NCKAP5: variants seen among roughly 807,000 people sequenced by gnomAD.
The protein encoded by NCKAP5 is nck-associated protein 5.
In NCKAP5, 92 loss-of-function variants were observed where a neutral mutation model predicts 167.0. That is an observed-to-expected ratio of 0.55 (90% CI 0.47 to 0.66). NCKAP5 has a LOEUF of 0.66. NCKAP5 is among the 30% of genes least tolerant of loss of function. The pLI is 0.00. For synonymous variants in NCKAP5, 891 were observed against 877.4 expected, an observed-to-expected ratio of 1.02 and a Z score of -0.27; for missense variants, 2,378 against 2,315.0, an observed-to-expected ratio of 1.03 and a Z score of -0.56.
chr2:133,138,508 C>T (rs534833102), intron 5 of NCKAP5, among the ~76,000 whole-genome samples: 17 of 152,308 alleles, frequency 1.1e-4, no homozygotes, highest in African/African-American at 3.8e-4. Context: ...CAACTTCTCA[C>T]ATTTTTCATC....
intron 1 of NCKAP5, among the ~76,000 whole-genome samples, chr2:133,561,399 G>A (rs1688147279): frequency 6.6e-6 from 1 of 152,122 alleles, no homozygotes; most frequent in African/African-American, 2.4e-5. Flanking sequence ...AAATCAGGAA[G>A]GAAAGAAATA....
intron 11 of NCKAP5, among the ~76,000 whole-genome samples, chr2:132,814,974 G>A (rs1686153402): frequency 1.3e-5 from 2 of 152,170 alleles, no homozygotes; most frequent in Admixed American, 6.5e-5. Context: ...GGAAGGTAAA[G>A]AGAAATTCCT....
intron 6 of NCKAP5, among the ~76,000 whole-genome samples, chr2:133,020,714 C>T (rs572608883): frequency 1.3e-4 from 20 of 152,310 alleles, no homozygotes; most frequent in South Asian, 8.3e-4. Context: ...TGGTGAGCTG[C>T]GTGCAATAAC....
chr2:132,713,163 T>G (rs545821509), intron 19 of NCKAP5, among the ~76,000 whole-genome samples: 2 of 151,030 alleles, frequency 1.3e-5, no homozygotes, highest in Non-Finnish European at 2.9e-5. Flanking sequence ...AAAAAAAAAA[T>G]CAATAAAAAT....
intron 2 of NCKAP5, among the ~76,000 whole-genome samples, chr2:133,518,755 A>T (rs949783711): frequency 6.6e-6 from 1 of 152,208 alleles, no homozygotes; most frequent in Non-Finnish European, 1.5e-5. Context: ...GATAGCAATC[A>T]AATGATGTAT....
chr2:133,660,475 G>A, the NCKAP5 span, among the ~76,000 whole-genome samples: 15 of 151,972 alleles, frequency 9.9e-5, no homozygotes, highest in Non-Finnish European at 1.8e-4. Context: ...AAACTATCTC[G>A]GGGTGATGGG....
intron 7 of NCKAP5, among the ~76,000 whole-genome samples, chr2:132,993,481 C>T (rs1447384659): frequency 6.6e-6 from 1 of 152,206 alleles, no homozygotes; most frequent in East Asian, 1.9e-4. Flanking sequence ...TGTTATTTCA[C>T]TGACTGCTTA....
At chr2:133,235,187 A>G (rs186788040) in intron 4 of NCKAP5, among the ~76,000 whole-genome samples, 1 of 152,086 alleles carries the variant, frequency 6.6e-6, no homozygotes, top group Non-Finnish European at 1.5e-5. Flanking sequence ...GCTCACTCAA[A>G]TGTATTTGCA....
chr2:133,574,025 T>C, the NCKAP5 span, among the ~76,000 whole-genome samples: 1 of 152,164 alleles, frequency 6.6e-6, no homozygotes, highest in East Asian at 1.9e-4. Context: ...ATGAATTTTG[T>C]GTGCCCCGAT....
intron 8 of NCKAP5, among the ~76,000 whole-genome samples, chr2:132,897,742 C>T (rs1045649531): frequency 6.6e-6 from 1 of 152,210 alleles, no homozygotes; most frequent in African/African-American, 2.4e-5. Context: ...TTATATTACA[C>T]TACTACACTA....
At chr2:133,214,930 C>T (rs766627715) in intron 4 of NCKAP5, among the ~76,000 whole-genome samples, 1 of 152,190 alleles carries the variant, frequency 6.6e-6, no homozygotes, top group Non-Finnish European at 1.5e-5. Flanking sequence ...CTCCTAAGTG[C>T]TTGGATCTTT....
the NCKAP5 span, among the ~76,000 whole-genome samples, chr2:133,602,186 A>G: frequency 6.6e-6 from 1 of 152,160 alleles, no homozygotes; most frequent in Non-Finnish European, 1.5e-5. Context: ...TGGGATCAGA[A>G]AACTTCCAAG....
intron 9 of NCKAP5, among the ~76,000 whole-genome samples, chr2:132,878,175 G>A (rs74354800): frequency 0.024 from 3,659 of 152,172 alleles, 162 homozygotes; most frequent in African/African-American, 0.083. Context: ...GGCTCTGAGC[G>A]CATGTCTGTT....
intron 2 of NCKAP5, among the ~76,000 whole-genome samples, chr2:133,546,605 G>C (rs1381398251): frequency 1.3e-5 from 2 of 152,150 alleles, no homozygotes; most frequent in Non-Finnish European, 2.9e-5. Context: ...CTCAATGATT[G>C]AGGGATGCCC....
chr2:133,582,297 C>T, the NCKAP5 span, among the ~76,000 whole-genome samples: 3 of 152,160 alleles, frequency 2.0e-5, no homozygotes, highest in Non-Finnish European at 4.4e-5. Flanking sequence ...AACATTGTTC[C>T]ACAAGTGCCC....
At chr2:133,337,437 T>C (rs1683287585) in intron 3 of NCKAP5, among the ~76,000 whole-genome samples, 1 of 152,222 alleles carries the variant, frequency 6.6e-6, no homozygotes, top group Non-Finnish European at 1.5e-5. Context: ...CAGACTGACA[T>C]AGAAAGAATT....
chr2:133,006,530 G>A (rs539569302), intron 6 of NCKAP5, among the ~76,000 whole-genome samples: 2 of 151,382 alleles, frequency 1.3e-5, no homozygotes, highest in Non-Finnish European at 2.9e-5. Context: ...ATTAAGAATT[G>A]AATGACTTGA....
At chr2:133,082,369 T>C (rs1014084112) in intron 6 of NCKAP5, among the ~76,000 whole-genome samples, 1 of 152,116 alleles carries the variant, frequency 6.6e-6, no homozygotes, top group Admixed American at 6.6e-5. Context: ...GCTGAAGCAA[T>C]ACAAAACTAA....
At chr2:133,221,292 T>A (rs561691706) in intron 4 of NCKAP5, among the ~76,000 whole-genome samples, 2 of 152,316 alleles carry the variant, frequency 1.3e-5, no homozygotes, top group East Asian at 3.8e-4. Context: ...CATAATACTC[T>A]CCATACAAAA....
Sources: allele counts gnomAD v4.1 joint callset (sites outside exome capture counted in the v4.1 genomes callset), GRCh38; gene constraint gnomAD v4.1.1; transcripts MANE v1.5; gene names NCBI Gene and HGNC (gene_info 2026-07-23, HGNC 2026-07-21).